KANSL1L: variants seen among roughly 807,000 people sequenced by gnomAD.
KANSL1L encodes the protein KAT8 regulatory NSL complex subunit 1-like protein.
Under a neutral mutation model 108.6 loss-of-function variants are expected in KANSL1L, and 25 were observed. The ratio of observed to expected loss-of-function variants is 0.23; its 90% CI spans 0.17 to 0.32. The LOEUF (loss-of-function observed/expected upper bound fraction) is 0.32, where lower values mean the gene tolerates loss of function less well. Among genes scored for constraint, KANSL1L ranks in the 10% least tolerant of loss-of-function variants. The pLI, the probability that KANSL1L is intolerant of heterozygous loss-of-function variation, is 1.00. For synonymous variants in KANSL1L, 405 were observed against 395.1 expected (o/e 1.03, Z -0.30); for missense variants, 1,137 against 1,125.7 (o/e 1.01, Z -0.14).
chr2:210,054,319 C>T (rs1463362767), intron 6 of KANSL1L, among the ~76,000 whole-genome samples: 4 of 16,756 alleles, frequency 2.4e-4, no homozygotes, highest in African/African-American at 5.7e-4. Flanking sequence ...GAGACTCCAT[C>T]TCAAAAAAAA....
intron 1 of KANSL1L, among the ~76,000 whole-genome samples, chr2:210,165,282 C>T (rs186222341): frequency 3.9e-5 from 6 of 152,044 alleles, no homozygotes; most frequent in South Asian, 2.1e-4. Context: ...TGTTATAAAA[C>T]TGTTACAGAT....
At chr2:210,028,630 A>G (rs1047028296) in intron 11 of KANSL1L, 4 of 399,858 alleles carry the variant, frequency 1.0e-5, no homozygotes, top group Non-Finnish European at 1.8e-5. Context: ...AAAGTAGTCT[A>G]GGAATTCCTA....
Position 210,154,337 on chromosome 2 carries a change from T to TA in KANSL1L, c.245dup (p.Leu82PhefsTer5). 6.2e-7 allele frequency: 1 copy of TA among 1,610,084 alleles called. No individual in the cohort carries two copies. The highest frequency in any genetic ancestry group is 8.5e-7 in the Non-Finnish European group (1 of 1,178,924). On this transcript the variant is annotated frameshift_variant, in exon 2 of 15. Coordinates refer to ENST00000281772, the MANE Select transcript of KANSL1L (RefSeq NM_152519.4). LOFTEE classifies it high-confidence loss of function. The stretch of plus-strand genomic sequence containing the variant: ...TATTTAATGTAGAATTAGATCTCAT[T>TA]AAAAAAACAGTCTGGTAATGTTTTG...
rs1244200082 is a variant in KANSL1L, at chr2:210,040,188, TTTA to T, written c.2029+229_2029+231del. 5 of 392,308 alleles carry T rather than the reference TTTA, an allele frequency of 1.3e-5. No individual in the cohort carries two copies. In the Admixed American group the frequency reaches 1.3e-4, roughly 11 times the overall value. 24.3% of individuals were successfully genotyped at this position (392,308 alleles called of 1,614,324 possible). A position where few individuals can be genotyped will look rare whatever the true frequency, so the allele number is the denominator to read the frequency against. ...CTGTTTCTCCACATTTATTTAAATT[TTTA>T]TTATATTTATCAGTAATAGTTCATA... is the stretch of plus-strand genomic sequence containing the variant. On this transcript the variant is annotated intron_variant, in intron 8 of 14. Coordinates refer to ENST00000281772, the MANE Select transcript of KANSL1L (RefSeq NM_152519.4).
chr2:210,079,612 GTATATATATATATATATATATATA>G lies in KANSL1L; in HGVS notation c.1551-3880_1551-3857del, dbSNP rs60144283. 1.3e-3 allele frequency among the ~76,000 whole-genome samples: 87 copies of G among 65,670 alleles called. 3 individuals carry two copies. Among genetic ancestry groups the G allele is most frequent in the African/African-American group, 6.9e-3 (73 of 10,644 alleles). 43.1% of individuals were successfully genotyped at this position (65,670 alleles called of 152,430 possible). ...TCTCAAAAAAAAAAAATATGTATGT[GTATATATATATATATATATATATA>G]TATATATATATATATATATATATAT... is the stretch of plus-strand genomic sequence containing the variant. On this transcript the variant is annotated intron_variant, in intron 5 of 14. Coordinates refer to ENST00000281772, the MANE Select transcript of KANSL1L (RefSeq NM_152519.4).
chr2:210,033,872 G>GT (rs769139347), intron 8 of KANSL1L, among the ~76,000 whole-genome samples: 19 of 152,102 alleles, frequency 1.2e-4, no homozygotes, highest in Non-Finnish European at 2.4e-4. Flanking sequence ...TTATTCAAAT[G>GT]TTTTTTTCAC....
At chr2:210,069,119 C>T (rs1463135296) in intron 6 of KANSL1L, among the ~76,000 whole-genome samples, 1 of 152,108 alleles carries the variant, frequency 6.6e-6, no homozygotes, top group Non-Finnish European at 1.5e-5. Context: ...TGGAAATTTC[C>T]TCAGCTAAAT....
rs1463607395 is a variant in KANSL1L, at chr2:210,023,132, C to T, written c.2781G>A (p.Met927Ile). The T allele has an allele frequency of 6.2e-7, 1 of 1,614,004 alleles. No individual in the cohort carries two copies. The part of the protein sequence containing the change: ...RRAFPLKGED[M>I]AALLCQDEKK... ...TTTCATCTTGACATAATAAGGCTGC[C>T]ATGTCTTCACCCTTCAGTGGAAAAG... The change falls in exon 15 of 15, where the codon ATG becomes ATA. Residue 927 changes from methionine (M) to isoleucine (I), a missense_variant. Transcript: ENST00000281772.
chr2:210,109,375 C>G (rs1029948833), intron 3 of KANSL1L, among the ~76,000 whole-genome samples: 1 of 152,060 alleles, frequency 6.6e-6, no homozygotes, highest in Admixed American at 6.6e-5. Context: ...TGATCCCTTC[C>G]CTTCTCAGCT....
chr2:210,038,970 T>C (rs964295175), intron 8 of KANSL1L, among the ~76,000 whole-genome samples: 1 of 152,000 alleles, frequency 6.6e-6, no homozygotes, highest in African/African-American at 2.4e-5. Flanking sequence ...GTTGTCATTA[T>C]TATTTATTGA....
At chr2:210,094,089 A>AG (rs2125394656) in intron 5 of KANSL1L, among the ~76,000 whole-genome samples, 1 of 152,290 alleles carries the variant, frequency 6.6e-6, no homozygotes, top group Non-Finnish European at 1.5e-5. Context: ...TAGTGGATAT[A>AG]GAGTTTCAGT....
intron 2 of KANSL1L, among the ~76,000 whole-genome samples, chr2:210,150,195 G>C (rs1254984146): frequency 6.6e-6 from 1 of 151,966 alleles, no homozygotes; most frequent in African/African-American, 2.4e-5. Flanking sequence ...ATCCCCTCTA[G>C]CTGATTATGG....
chr2:210,052,934 G>T (rs1438511496), intron 6 of KANSL1L, among the ~76,000 whole-genome samples: 1 of 152,184 alleles, frequency 6.6e-6, no homozygotes, highest in Non-Finnish European at 1.5e-5. Flanking sequence ...CTTCCTAAAT[G>T]GAAAGACAAT....
intron 6 of KANSL1L, among the ~76,000 whole-genome samples, chr2:210,069,159 T>C (rs1393356786): frequency 2.6e-5 from 4 of 152,198 alleles, no homozygotes; most frequent in African/African-American, 4.8e-5. Context: ...AAGTTCTATT[T>C]TCCACCTCAC....
At chr2:210,101,460 A>T (rs751035920) in intron 4 of KANSL1L, among the ~76,000 whole-genome samples, 6 of 152,320 alleles carry the variant, frequency 3.9e-5, no homozygotes, top group Admixed American at 1.3e-4. Flanking sequence ...ATTTAAACAG[A>T]TTACAATTTC....
chr2:210,140,877 AG>A (rs1379498470), intron 2 of KANSL1L, among the ~76,000 whole-genome samples: 5 of 152,080 alleles, frequency 3.3e-5, no homozygotes, highest in Non-Finnish European at 5.9e-5. Context: ...TTTATTCCTA[AG>A]TATGTTAGCA....
At chr2:210,049,923 T>C (rs1447929878) in intron 6 of KANSL1L, among the ~76,000 whole-genome samples, 1 of 152,186 alleles carries the variant, frequency 6.6e-6, no homozygotes, top group Non-Finnish European at 1.5e-5. Context: ...CTCTGGGAAA[T>C]GAACAACAAA....
At chr2:210,091,402 A>C (rs757679868) in intron 5 of KANSL1L, among the ~76,000 whole-genome samples, 1 of 152,198 alleles carries the variant, frequency 6.6e-6, no homozygotes, top group African/African-American at 2.4e-5. Flanking sequence ...AAAATGAAAT[A>C]TAAGATACAT....
intron 3 of KANSL1L, among the ~76,000 whole-genome samples, chr2:210,113,567 G>GA (rs1170401159): frequency 6.6e-6 from 1 of 150,914 alleles, no homozygotes; most frequent in Non-Finnish European, 1.5e-5. Context: ...GCATTCAAAG[G>GA]AAAAAAAAGA....
Sources: gnomAD v4.1 joint callset for allele counts (sites outside exome capture counted in the v4.1 genomes callset) on GRCh38, gnomAD v4.1.1 for gene constraint, MANE v1.5 for transcripts, NCBI Gene and HGNC (gene_info 2026-07-23, HGNC 2026-07-21) for gene names.